The following PTPN4 variants were observed in gnomAD, a reference collection of about 807,000 sequenced individuals.
PTPN4 encodes tyrosine-protein phosphatase non-receptor type 4.
In PTPN4, 49 loss-of-function variants were observed where a neutral mutation model predicts 135.5. The ratio of observed to expected loss-of-function variants is 0.36; its 90% CI spans 0.29 to 0.46. The LOEUF (loss-of-function observed/expected upper bound fraction) is 0.46. PTPN4 is among the 20% of genes least tolerant of loss of function. The pLI, the probability that PTPN4 is intolerant of heterozygous loss-of-function variation, is 1.00. For missense variants in PTPN4, 860 were observed against 1,101.0 expected (o/e 0.78, Z 3.10); for synonymous variants, 333 against 369.9 (o/e 0.90, Z 1.14).
intron 13 of PTPN4, among the ~76,000 whole-genome samples, chr2:119,927,502 C>T (rs989338052): frequency 2.0e-5 from 3 of 151,968 alleles, no homozygotes; most frequent in Non-Finnish European, 4.4e-5. Context: ...AATGGATTAG[C>T]GAGGAAAGCC....
At chr2:119,952,346 C>A (rs1679222733) in intron 19 of PTPN4, among the ~76,000 whole-genome samples, 1 of 152,150 alleles carries the variant, frequency 6.6e-6, no homozygotes, top group South Asian at 2.1e-4. Flanking sequence ...TCTACACTAG[C>A]TTTCTTGCAG....
At chr2:119,823,411 T>A (rs1677100130) in intron 2 of PTPN4, among the ~76,000 whole-genome samples, 1 of 152,122 alleles carries the variant, frequency 6.6e-6, no homozygotes, top group Non-Finnish European at 1.5e-5. Flanking sequence ...ATTTTTGTAT[T>A]TTTAGCAGAG....
intron 26 of PTPN4, among the ~76,000 whole-genome samples, chr2:119,970,469 A>G (rs1224371042): frequency 6.6e-6 from 1 of 151,116 alleles, no homozygotes; most frequent in Non-Finnish European, 1.5e-5. Flanking sequence ...ACCTCCCCCA[A>G]CCCCCAACCT....
At position 119,882,516 on chromosome 2, in the gene PTPN4, C is replaced by T. The variant is rs1558753910; in HGVS notation, c.480C>T (p.Asp160=). The T allele has an allele frequency of 6.5e-7, 1 of 1,531,398 alleles. No individual in the cohort carries two copies. The highest frequency in any genetic ancestry group is 2.4e-5 in the East Asian group (1 of 42,420). The allele number at this position is 1,531,398 out of a possible 1,614,324, so 94.9% of individuals were successfully genotyped here. A position where few individuals can be genotyped will look rare whatever the true frequency, so the allele number is the denominator to read the frequency against. ...TTTCATTATTAGCTGAACTTGGAGA[C>T]TACGATCAGTCAGAGAACTTGTCAG... is the stretch of plus-strand genomic sequence containing the variant. ...ASFAVQSELG[D]YDQSENLSGY... is the part of the protein sequence containing the mutation. The change falls in exon 8 of 27, where the codon GAC becomes GAT. Residue 160 remains aspartate, a synonymous_variant. Transcript: ENST00000263708.
intron 15 of PTPN4, among the ~76,000 whole-genome samples, chr2:119,936,219 G>A (rs552448145): frequency 6.6e-6 from 1 of 152,280 alleles, no homozygotes; most frequent in Admixed American, 6.5e-5. Context: ...AGCCAGGATG[G>A]TCTCGATCTC....
At chr2:119,851,336 G>A (rs1052244931) in intron 2 of PTPN4, among the ~76,000 whole-genome samples, 1 of 152,174 alleles carries the variant, frequency 6.6e-6, no homozygotes, top group African/African-American at 2.4e-5. Flanking sequence ...ACTGAGGCAA[G>A]TTTCAGCAGG....
At chr2:119,836,919 G>C (rs1225926122) in intron 2 of PTPN4, among the ~76,000 whole-genome samples, 1 of 152,238 alleles carries the variant, frequency 6.6e-6, no homozygotes, top group African/African-American at 2.4e-5. Flanking sequence ...AGGATGGCTC[G>C]TCACGGGCCT....
chr2:119,926,805 C>G, intron 13 of PTPN4, 139 bp downstream of exon 13: 1 of 630,782 alleles, frequency 1.6e-6, no homozygotes, highest in Non-Finnish European at 2.7e-6. Flanking sequence ...AATTCTTTAA[C>G]AGTAAATAAT....
chr2:119,773,249 T>A (rs1690767099), intron 1 of PTPN4, among the ~76,000 whole-genome samples: 1 of 152,156 alleles, frequency 6.6e-6, no homozygotes, highest in Non-Finnish European at 1.5e-5. Flanking sequence ...TCTAGCATAT[T>A]GGTGGAAAAT....
intron 15 of PTPN4, among the ~76,000 whole-genome samples, chr2:119,941,077 T>G (rs2105044289): frequency 1.3e-5 from 2 of 152,336 alleles, no homozygotes; most frequent in Middle Eastern, 3.4e-3. Flanking sequence ...ATCATGTCTC[T>G]TCATTCTCTT....
intron 1 of PTPN4, among the ~76,000 whole-genome samples, chr2:119,799,801 G>A (rs987244685): frequency 1.3e-5 from 2 of 152,088 alleles, no homozygotes; most frequent in African/African-American, 4.8e-5. Context: ...CTCTTTTCCT[G>A]TGTCTTCACT....
intron 23 of PTPN4, 33 bp from the exon 24 acceptor site, chr2:119,962,583 A>T: frequency 8.4e-7 from 1 of 1,189,364 alleles, no homozygotes; most frequent in Non-Finnish European, 1.1e-6. Context: ...TATGTATATA[A>T]TTTTATTTAT....
At chr2:119,915,324 G>T in intron 11 of PTPN4, 82 bp downstream of exon 11, 1 of 1,184,584 alleles carries the variant, frequency 8.4e-7, no homozygotes, top group South Asian at 1.6e-5. Context: ...TCTATTATTA[G>T]TACAAGTGAA....
At chr2:119,962,434 A>G (rs1009550938) in intron 23 of PTPN4, among the ~76,000 whole-genome samples, 182 bp from the exon 24 acceptor site, 4 of 152,104 alleles carry the variant, frequency 2.6e-5, no homozygotes, top group African/African-American at 7.2e-5. Flanking sequence ...AGCCTGGGCA[A>G]CAAGAGCAAA....
In PTPN4 at chr2:119,926,570, T is replaced by C; in HGVS notation, c.1002-28T>C. The C allele has an allele frequency of 2.7e-6, 4 of 1,493,444 alleles. 1 individual carries two copies. Among genetic ancestry groups the C allele is most frequent in the South Asian group, 2.5e-5 (2 of 81,222 alleles). The allele number at this position is 1,493,444 out of a possible 1,614,324, so 92.5% of individuals were successfully genotyped here. On this transcript the variant is annotated intron_variant, in intron 12 of 26. Transcript: ENST00000263708. ...TTATCTTATAGTTCTCTTAAGACTT[T>C]ATTGTTGTGCATATTTATATATTTC...
chr2:119,824,048 G>T (rs1677109737), intron 2 of PTPN4, among the ~76,000 whole-genome samples: 1 of 152,126 alleles, frequency 6.6e-6, no homozygotes, highest in Admixed American at 6.5e-5. Flanking sequence ...TAGACTTCCT[G>T]TTTCCCCCAG....
At chr2:119,845,258 G>A (rs1574366263) in intron 2 of PTPN4, among the ~76,000 whole-genome samples, 1 of 109,176 alleles carries the variant, frequency 9.2e-6, no homozygotes, top group African/African-American at 3.4e-5. Context: ...GAGGGGGAGG[G>A]GGAGGGGGAG....
chr2:119,895,761 A>C (rs1405205343), intron 9 of PTPN4, among the ~76,000 whole-genome samples: 1 of 152,146 alleles, frequency 6.6e-6, no homozygotes. Flanking sequence ...CTCTACTAAA[A>C]ATACAAAAAA....
intron 1 of PTPN4, among the ~76,000 whole-genome samples, chr2:119,794,345 G>T (rs1015626875): frequency 3.3e-5 from 5 of 152,306 alleles, no homozygotes; most frequent in African/African-American, 1.2e-4. Flanking sequence ...GGCATGGCAG[G>T]CTGTACTTGG....
Sources: gnomAD v4.1 joint callset for allele counts (sites outside exome capture counted in the v4.1 genomes callset) on GRCh38, gnomAD v4.1.1 for gene constraint, MANE v1.5 for transcripts, NCBI Gene and HGNC (gene_info 2026-07-23, HGNC 2026-07-21) for gene names.